Variants in CAMK4 observed in about 807,000 individuals in gnomAD.
CAMK4 encodes calcium/calmodulin dependent protein kinase IV, also known as calcium/calmodulin-dependent protein kinase type IV.
CAMK4 carries 22 observed loss-of-function variants against 44.9 expected under a neutral mutation model. The observed-to-expected ratio is 0.49, with a 90% confidence interval of 0.35 to 0.70. The LOEUF is 0.70. CAMK4 is among the 30% of genes least tolerant of loss of function. The pLI is 0.01. For synonymous variants in CAMK4, 218 were observed against 215.4 expected (o/e 1.01, Z -0.11); for missense variants, 498 against 586.8 (o/e 0.85, Z 1.56).
chr5:111,269,005 G>A (rs144638948), intron 1 of CAMK4, among the ~76,000 whole-genome samples: 2 of 152,304 alleles, frequency 1.3e-5, no homozygotes, highest in East Asian at 1.9e-4. Context: ...AGACTTTTTG[G>A]TGATGTAGGG....
chr5:111,364,846 A>G (rs1369234315), intron 2 of CAMK4: 1 of 152,132 alleles, frequency 6.6e-6, no homozygotes, highest in Non-Finnish European at 1.5e-5. Flanking sequence ...CTGTCTTCCC[A>G]TACTGATCAG....
intron 1 of CAMK4, among the ~76,000 whole-genome samples, chr5:111,247,194 G>A (rs1276459904): frequency 1.3e-5 from 2 of 151,246 alleles, no homozygotes; most frequent in Admixed American, 1.3e-4. Context: ...TGTATGTAGT[G>A]TATGTGTACA....
At chr5:111,483,380 ATTACT>A (rs1487152721) in intron 10 of CAMK4, among the ~76,000 whole-genome samples, 1 of 152,150 alleles carries the variant, frequency 6.6e-6, no homozygotes, top group Non-Finnish European at 1.5e-5. Context: ...GATATAATAA[ATTACT>A]TAACTAAATA....
intron 5 of CAMK4, among the ~76,000 whole-genome samples, chr5:111,396,236 T>C (rs1416369901): frequency 1.3e-5 from 2 of 152,210 alleles, no homozygotes; most frequent in African/African-American, 4.8e-5. Context: ...TTCCAAATTA[T>C]TTATTCCCCA....
intron 1 of CAMK4, among the ~76,000 whole-genome samples, chr5:111,236,747 T>C (rs1748747535): frequency 6.6e-6 from 1 of 152,234 alleles, no homozygotes; most frequent in Non-Finnish European, 1.5e-5. Context: ...CCAGTGTTTA[T>C]GGTCTTACAG....
chr5:111,325,942 A>C (rs1051349614), intron 1 of CAMK4, among the ~76,000 whole-genome samples: 1 of 152,104 alleles, frequency 6.6e-6, no homozygotes, highest in Non-Finnish European at 1.5e-5. Flanking sequence ...ACATATCAAA[A>C]TTTGTGGGAT....
chr5:111,260,380 C>A (rs552118068), intron 1 of CAMK4, among the ~76,000 whole-genome samples: 1 of 152,176 alleles, frequency 6.6e-6, no homozygotes, highest in Admixed American at 6.5e-5. Flanking sequence ...ACACCATGTC[C>A]GCTGGTAAAA....
At chr5:111,282,260 C>T (rs1751055941) in intron 1 of CAMK4, among the ~76,000 whole-genome samples, 1 of 151,914 alleles carries the variant, frequency 6.6e-6, no homozygotes. Context: ...TATGCAGTTC[C>T]CTACTGTTAT....
At chr5:111,358,975 C>T (rs1750489859) in intron 2 of CAMK4, among the ~76,000 whole-genome samples, 1 of 151,994 alleles carries the variant, frequency 6.6e-6, no homozygotes, top group Non-Finnish European at 1.5e-5. Flanking sequence ...TTCAGTTTAC[C>T]ATTGATGGAC....
At chr5:111,416,461 C>T (rs1438166231) in intron 5 of CAMK4, 5 of 152,090 alleles carry the variant, frequency 3.3e-5, no homozygotes, top group African/African-American at 7.2e-5. Context: ...ATGTTAATTA[C>T]AAATGAGTAA....
intron 5 of CAMK4, among the ~76,000 whole-genome samples, chr5:111,441,504 G>C (rs960486485): frequency 6.6e-5 from 10 of 152,034 alleles, no homozygotes; most frequent in African/African-American, 2.4e-4. Context: ...GTTAGCATTT[G>C]TCAAGATAAC....
intron 2 of CAMK4, among the ~76,000 whole-genome samples, chr5:111,345,696 G>A (rs529607967): frequency 1.2e-4 from 18 of 152,044 alleles, no homozygotes; most frequent in African/African-American, 4.1e-4. Flanking sequence ...ATCCCCAAGG[G>A]CAACAGGCTG....
chr5:111,275,080 T>G, intron 1 of CAMK4, among the ~76,000 whole-genome samples: 1 of 152,160 alleles, frequency 6.6e-6, no homozygotes, highest in East Asian at 1.9e-4. Flanking sequence ...GTAGAATGAT[T>G]AAATCAGACT....
chr5:111,388,534 G>A (rs755452154), intron 4 of CAMK4, among the ~76,000 whole-genome samples: 2 of 152,106 alleles, frequency 1.3e-5, no homozygotes, highest in African/African-American at 2.4e-5. Flanking sequence ...TCAGGTGTGA[G>A]CTGAGATATA....
intron 7 of CAMK4, among the ~76,000 whole-genome samples, chr5:111,469,172 A>AAATAT (rs1561507432): frequency 6.3e-5 from 2 of 31,980 alleles, no homozygotes; most frequent in Non-Finnish European, 5.6e-5. Flanking sequence ...AAAAAAAAAA[A>AAATAT]ATATATATAT....
In CAMK4 at chr5:111,433,147, C is replaced by A. The variant is rs546877066; in HGVS notation, c.460-13539C>A. ...GATATGTTCACAGATTATCCTGTTT[C>A]CCATGTTAAAACAACCACTGTCTTA... is the stretch of plus-strand genomic sequence containing the variant. On this transcript the variant is annotated intron_variant, in intron 5 of 10. Transcript: ENST00000282356. 2.6e-5 allele frequency among the ~76,000 whole-genome samples: 4 copies of A among 152,264 alleles called. No homozygotes were observed. The South Asian group carries it at 8.3e-4, about 32-fold the overall frequency.
rs1749751523 is a variant in CAMK4, at chr5:111,343,897, A to G, written c.162-127A>G. On this transcript the variant is annotated intron_variant, in intron 1 of 10. Coordinates refer to ENST00000282356, the MANE Select transcript of CAMK4 (RefSeq NM_001744.6). ...ACTCTTGACAGCTAGGGCTGGTCCTATAATAGAACTTATAATAAGCACTTG... is the reference window on the plus strand; with the variant it reads ...ACTCTTGACAGCTAGGGCTGGTCCTGTAATAGAACTTATAATAAGCACTTG... The G allele has an allele frequency of 1.0e-4, 65 of 619,340 alleles. 2 individuals are homozygous for G. The Middle Eastern group carries it at 1.4e-3, about 13-fold the overall frequency. The allele number at this position is 619,340 out of a possible 1,614,324, so 38.4% of individuals were successfully genotyped here.
At chr5:111,226,188 G>A (rs1748183393) in intron 1 of CAMK4, among the ~76,000 whole-genome samples, 1 of 152,122 alleles carries the variant, frequency 6.6e-6, no homozygotes, top group Non-Finnish European at 1.5e-5. Context: ...CCTCAAATAG[G>A]CTGACTTATC....
At chr5:111,398,918 A>T (rs1404440669) in intron 5 of CAMK4, among the ~76,000 whole-genome samples, 1 of 152,088 alleles carries the variant, frequency 6.6e-6, no homozygotes, top group Admixed American at 6.6e-5. Context: ...ATTTTTCTTC[A>T]TCTGCACTAA....
Sources: gnomAD v4.1 joint callset for allele counts (sites outside exome capture counted in the v4.1 genomes callset) on GRCh38, gnomAD v4.1.1 for gene constraint, MANE v1.5 for transcripts, NCBI Gene and HGNC (gene_info 2026-07-23, HGNC 2026-07-21) for gene names.